The following NOL6 variants were observed in gnomAD, a reference collection of about 807,000 sequenced individuals.
The protein encoded by NOL6 is nucleolar RNA-associated protein.
NOL6 carries 33 observed loss-of-function variants against 131.7 expected under a neutral mutation model. The ratio of observed to expected loss-of-function variants is 0.25; its 90% confidence interval spans 0.19 to 0.33. The LOEUF is 0.33. Ranked by LOEUF, NOL6 falls within the 10% of genes least tolerant of loss-of-function variation. The pLI, the probability that NOL6 is intolerant of heterozygous loss-of-function variation, is 1.00. For synonymous variants in NOL6, 580 were observed against 605.7 expected (o/e 0.96, Z 0.62); for missense variants, 1,297 against 1,494.5 (o/e 0.87, Z 2.18).
chr9:33,473,579 G>C (rs1465522884), intron 1 of NOL6, among the ~76,000 whole-genome samples: 1 of 152,144 alleles, frequency 6.6e-6, no homozygotes, highest in Non-Finnish European at 1.5e-5. Flanking sequence ...AGAGAGCAGA[G>C]GCTCTACCGG....
intron 21 of NOL6, 42 bp from the exon 22 acceptor site, chr9:33,464,203 G>A (rs578039025): frequency 1.3e-6 from 2 of 1,563,426 alleles, no homozygotes; most frequent in African/African-American, 1.4e-5. Context: ...GCTCCTCCCT[G>A]TAAGACACCC....
At position 33,467,603 on chromosome 9, in the gene NOL6, G is replaced by C; in HGVS notation, c.1603-87C>G. The C allele has an allele frequency of 6.3e-7, 1 of 1,577,904 alleles. No individual in the cohort carries two copies. Among genetic ancestry groups the C allele is most frequent in the South Asian group, 1.2e-5 (1 of 85,548 alleles). On this transcript the variant is annotated intron_variant, in intron 12 of 25. Coordinates refer to ENST00000297990, the MANE Select transcript of NOL6 (RefSeq NM_022917.5). This position sits in a 1 kb window ranked among gnomAD's most constrained non-coding sequence, Gnocchi z 4.4. ...CTTTCTAGCTAGCTAGAAACGCCTA[G>C]CTGGAGGAATGGTGTGTCCTTTGTG... is the stretch of plus-strand genomic sequence containing the variant.
chr9:33,464,260 A>C, intron 21 of NOL6, 99 bp from the exon 22 acceptor site: 2 of 1,394,684 alleles, frequency 1.4e-6, no homozygotes, highest in Non-Finnish European at 1.9e-6. Context: ...GCTGCTCATC[A>C]CAGGTATTTT....
intron 10 of NOL6, 66 bp from the exon 11 acceptor site, chr9:33,468,211 G>A: frequency 6.2e-7 from 1 of 1,612,014 alleles, no homozygotes; most frequent in Non-Finnish European, 8.5e-7. Context: ...CAGGAGACAT[G>A]CCCTAAACTT....
rs201725345 is a variant in NOL6 at position 33,467,294 on chromosome 9, G to A, written c.1726-32C>T. 10 of 1,612,200 alleles carry A rather than the reference G, an allele frequency of 6.2e-6. No homozygotes were observed. Among genetic ancestry groups the A allele is most frequent in the Non-Finnish European group, 7.6e-6 (9 of 1,178,516 alleles). On this transcript the variant is annotated intron_variant, in intron 13 of 25. Transcript: ENST00000297990. The surrounding 1 kb of genome is among the most constrained non-coding windows in gnomAD (Gnocchi z 4.4). ...AGGCAAGGGTGGTAGTAGAGCTGGG[G>A]AAGGAAGGGCTCTGTGGACCCTCCC...
chr9:33,463,318 G>A lies in NOL6; in HGVS notation c.3118C>T (p.Gln1040Ter). 1 of 1,614,152 alleles carries A rather than the reference G, an allele frequency of 6.2e-7. No homozygotes were observed. The highest frequency in any genetic ancestry group is 1.6e-4 in the Middle Eastern group (1 of 6,062). Residue 1040 changes from glutamine to a stop codon, truncating the protein, a stop_gained, in exon 24 of 26, where the codon CAG (glutamine) becomes TAG (stop). Transcript: ENST00000297990. LOFTEE classifies it high-confidence loss of function. ...AASFCRGLLS[Q>*]PGPSSLMPVL... ...GGCATCAGGGATGAGGGCCCCGGCTGGCTGAGCAGGCCCCGGCAGAAGGAG... is the reference window on the plus strand; with the variant it reads ...GGCATCAGGGATGAGGGCCCCGGCTAGCTGAGCAGGCCCCGGCAGAAGGAG...
In NOL6 at chr9:33,468,140, C is replaced by G. The variant is rs931975945; in HGVS notation, c.1314G>C (p.Gln438His). The change falls in exon 11 of 26, where the codon CAG becomes CAC. Residue 438 changes from glutamine to histidine, a missense_variant. Physicochemically the swap from Gln to His is conservative, Grantham distance 24. Transcript: ENST00000297990. ...DVTASTYHQV[Q>H]HEARLSMMLL... ...ACATCATAGACAGCCGTGCCTCATG[C>G]TGTACCTGGAGCCACAGAAGGGACC... The G allele has an allele frequency of 6.2e-7, 1 of 1,614,106 alleles. No homozygotes were observed. Among genetic ancestry groups the G allele is most frequent in the Admixed American group, 1.7e-5 (1 of 60,014 alleles).
Position 33,466,697 on chromosome 9 carries a change from C to T in NOL6, c.1963G>A (p.Gly655Ser), listed in dbSNP as rs1223097667. 8.1e-6 allele frequency: 13 copies of T among 1,613,706 alleles called. No homozygotes were observed. Among genetic ancestry groups the T allele is most frequent in the Admixed American group, 1.7e-5 (1 of 60,008 alleles). Residue 655 changes from glycine (G) to serine (S), a missense_variant, in exon 16 of 26, where the codon GGT becomes AGT. Transcript: ENST00000297990. ...ACCGCCGCTACCAGGGCCTCCTCAC[C>T]TGTGCTGGAGGTCTGAGAGGGAGAA... ...IQGLKETSST[G>S]EEALVAAVRC...
At chr9:33,468,649 T>A in intron 8 of NOL6, 83 bp from the exon 9 acceptor site, 1 of 1,608,702 alleles carries the variant, frequency 6.2e-7, no homozygotes, top group Non-Finnish European at 8.5e-7. Context: ...CCGATTCAGT[T>A]TGCTCATCTG....
intron 19 of NOL6, 59 bp from the exon 20 acceptor site, chr9:33,465,418 G>A: frequency 6.6e-7 from 1 of 1,520,992 alleles, no homozygotes; most frequent in African/African-American, 1.4e-5. Flanking sequence ...TGTTCATCCA[G>A]CCCCTACCCA....
chr9:33,467,004 G>C lies in NOL6; in HGVS notation c.1875-17C>G, dbSNP rs751232784. ...TCAGCATGGCTGAAAAAGAGGCAGA[G>C]ACACAGTGAGAAAATTTGGGGCTAT... is the stretch of plus-strand genomic sequence containing the variant. On this transcript the variant is annotated splice_polypyrimidine_tract_variant and intron_variant, in intron 14 of 25. Transcript: ENST00000297990. This position sits in a 1 kb window ranked among gnomAD's most constrained non-coding sequence, Gnocchi z 4.4. 6.2e-6 allele frequency: 10 copies of C among 1,613,996 alleles called. No homozygotes were observed. Among genetic ancestry groups the C allele is most frequent in the Non-Finnish European group, 8.5e-6 (10 of 1,180,012 alleles).
intron 20 of NOL6, 99 bp from the exon 21 acceptor site, chr9:33,465,075 G>A: frequency 1.4e-6 from 2 of 1,441,670 alleles, no homozygotes; most frequent in East Asian, 4.6e-5. Flanking sequence ...GGATTGGCAG[G>A]GCAGGGCATC....
chr9:33,467,926 C>T lies in NOL6; in HGVS notation c.1425-58G>A. 2 of 1,591,844 alleles carry T rather than the reference C, an allele frequency of 1.3e-6. No homozygotes were observed. Among genetic ancestry groups the T allele is most frequent in the Non-Finnish European group, 1.7e-6 (2 of 1,166,116 alleles). Reference sequence around the variant, plus strand: ...TCAGGTTGCTGGCCCCTAGTACCACCTCCTCCCTGAATGATCTGAGCACCT... The same window carrying T: ...TCAGGTTGCTGGCCCCTAGTACCACTTCCTCCCTGAATGATCTGAGCACCT... On this transcript the variant is annotated intron_variant, in intron 11 of 25. Coordinates refer to ENST00000297990, the MANE Select transcript of NOL6 (RefSeq NM_022917.5). The surrounding 1 kb of genome is among the most constrained non-coding windows in gnomAD (Gnocchi z 4.4).
rs1426435189 is a variant in NOL6 at position 33,469,201 on chromosome 9, G to GCT, written c.862+4_862+5dup. On this transcript the variant is annotated splice_donor_region_variant and intron_variant, in intron 6 of 25. Transcript: ENST00000297990. Reference sequence around the variant, plus strand: ...CAGCTCCACCTCAACACCAGGGCCTGCTCACCATCCCCTGCAGGACTCTGC... The same window carrying GCT: ...CAGCTCCACCTCAACACCAGGGCCTGCTCTCACCATCCCCTGCAGGACTCTGC... 4 of 1,614,098 alleles carry GCT rather than the reference G, an allele frequency of 2.5e-6. No homozygotes were observed. In the Admixed American group the frequency reaches 6.7e-5, roughly 27 times the overall value.
chr9:33,467,271 G>T lies in NOL6; in HGVS notation c.1726-9C>A, dbSNP rs765926533. On this transcript the variant is annotated splice_polypyrimidine_tract_variant and intron_variant, in intron 13 of 25. Transcript: ENST00000297990. The surrounding 1 kb of genome is among the most constrained non-coding windows in gnomAD (Gnocchi z 4.4). ...TGGCGGAATTTAGCAGCCTGAGGAG[G>T]CAAGGGTGGTAGTAGAGCTGGGGAA... 6.2e-7 allele frequency: 1 copy of T among 1,613,912 alleles called. No homozygotes were observed. The highest frequency in any genetic ancestry group is 8.5e-7 in the Non-Finnish European group (1 of 1,179,848).
chr9:33,470,063 G>A lies in NOL6; in HGVS notation c.507C>T (p.Gly169=). 1 of 1,612,508 alleles carries A rather than the reference G, an allele frequency of 6.2e-7. No individual in the cohort carries two copies. The part of the protein sequence containing the change: ...QVTVVGSYLL[G]TCIRPDINVD... ...CATTGATGTCTGGTCGGATGCAGGTGCCCAGAAGGTAGCTGCCCACAACAG... is the reference window on the plus strand; with the variant it reads ...CATTGATGTCTGGTCGGATGCAGGTACCCAGAAGGTAGCTGCCCACAACAG... The change falls in exon 4 of 26, where the codon GGC becomes GGT. Residue 169 remains glycine (G), a synonymous_variant. Transcript: ENST00000297990.
intron 18 of NOL6, 53 bp from the exon 19 acceptor site, chr9:33,465,950 AG>A: frequency 6.3e-7 from 1 of 1,593,528 alleles, no homozygotes. Flanking sequence ...GAACCCCGGG[AG>A]TACTCTGTGG....
chr9:33,473,062 A>G (rs1827458662), intron 1 of NOL6, among the ~76,000 whole-genome samples: 1 of 151,840 alleles, frequency 6.6e-6, no homozygotes. Flanking sequence ...TTCTGCTGAT[A>G]TAGGCCTGGG....
Position 33,463,247 on chromosome 9 carries a change from C to G in NOL6, c.3189G>C (p.Arg1063Ser), listed in dbSNP as rs201418381. The change falls in exon 24 of 26, where the codon AGG (arginine) becomes AGC (serine). Residue 1063 changes from arginine to serine, a missense_variant and splice_region_variant. Arg to Ser is a moderately radical substitution (Grantham distance 110). Transcript: ENST00000297990. Reference sequence around the variant, plus strand: ...GGTCATTCAGCTGTTTAGGACCAACCCTGAGCTGCGTCAGATAGAGCTGAG... The same window carrying G: ...GGTCATTCAGCTGTTTAGGACCAACGCTGAGCTGCGTCAGATAGAGCTGAG... Reference protein sequence around the residue: ...DPPQLYLTQLREAFGDLALFF... With the variant: ...DPPQLYLTQLSEAFGDLALFF... The G allele has an allele frequency of 1.9e-6, 3 of 1,613,244 alleles. No individual in the cohort carries two copies. Among genetic ancestry groups the G allele is most frequent in the Non-Finnish European group, 2.5e-6 (3 of 1,179,452 alleles).
Sources: gnomAD v4.1 joint callset for allele counts (sites outside exome capture counted in the v4.1 genomes callset) on GRCh38, gnomAD v4.1.1 for gene constraint, Gnocchi (gnomAD v3.1) non-coding constraint, MANE v1.5 for transcripts, NCBI Gene and HGNC (gene_info 2026-07-23, HGNC 2026-07-21) for gene names.